AAAS: variants seen among roughly 807,000 people sequenced by gnomAD.
AAAS encodes aladin WD repeat nucleoporin.
Under a neutral mutation model 75.6 loss-of-function variants are expected in AAAS, and 60 were observed. The ratio of observed to expected loss-of-function variants is 0.79; its 90% CI spans 0.64 to 0.98. The LOEUF is 0.98. AAAS is among the 50% of genes least tolerant of loss of function. AAAS has a pLI of 0.00. For missense variants in AAAS, 658 were observed against 686.9 expected, an observed-to-expected ratio of 0.96 and a Z score of 0.47; for synonymous variants, 271 against 265.0, an observed-to-expected ratio of 1.02 and a Z score of -0.22.
At chr12:53,320,786 AAGAGATTCCAG>A in intron 1 of AAAS, 94 bp from the exon 2 acceptor site, 1 of 1,441,398 alleles carries the variant, frequency 6.9e-7, no homozygotes, top group Non-Finnish European at 9.7e-7. Context: ...GGCTAAGTAT[AAGAGATTCCAG>A]AGGTCTGTTT....
intron 9 of AAAS, 29 bp from the exon 10 acceptor site, chr12:53,309,049 C>T: frequency 6.2e-7 from 1 of 1,614,218 alleles, no homozygotes; most frequent in East Asian, 2.2e-5. Context: ...AATTACAGCT[C>T]AGGACCTCTA....
At position 53,309,180 on chromosome 12, in the gene AAAS, A is replaced by C. The variant is rs138749872; in HGVS notation, c.912T>G (p.Ala304=). ...LWSPDGSKIL[A]TTPSAVFRVW... is the part of the protein sequence containing the mutation. ...ACCGAAAGACAGCTGAAGGAGTGGT[A>C]GCCAGGATTTTGCTGCCGTCTGGGG... Residue 304 remains alanine (A), a synonymous_variant, in exon 9 of 16, where the codon GCT becomes GCG. Transcript: ENST00000209873. 9.0e-5 allele frequency: 146 copies of C among 1,614,028 alleles called. No homozygotes were observed. Among genetic ancestry groups the C allele is most frequent in the Non-Finnish European group, 1.1e-4 (132 of 1,180,036 alleles).
chr12:53,314,547 C>A, intron 6 of AAAS, 106 bp from the exon 7 acceptor site: 1 of 1,501,942 alleles, frequency 6.7e-7, no homozygotes, highest in Middle Eastern at 2.3e-4. Context: ...ATGATCCATC[C>A]AGGGGCCAGG....
At chr12:53,310,139 T>A (rs539722209) in intron 7 of AAAS, among the ~76,000 whole-genome samples, 2 of 152,132 alleles carry the variant, frequency 1.3e-5, no homozygotes, top group Non-Finnish European at 2.9e-5. Context: ...TACTTCAAGG[T>A]TCCAACCTTT....
chr12:53,315,778 C>T lies in AAAS; in HGVS notation c.256G>A (p.Asp86Asn). 1 of 1,613,868 alleles carries T rather than the reference C, an allele frequency of 6.2e-7. No homozygotes were observed. The highest frequency in any genetic ancestry group is 8.5e-7 in the Non-Finnish European group (1 of 1,179,908). ...VWKRCINIWR[D>N]VGLFGVLNEI... ...TTTAGCACCCCAAAAAGGCCCACAT[C>T]ACGCCTGATAAGGGAGGAAAATGTG... Residue 86 changes from aspartate (D) to asparagine (N), a missense_variant, in exon 3 of 16, where the codon GAT (aspartate) becomes AAT (asparagine). Asp to Asn is a conservative substitution (Grantham distance 23). Coordinates refer to ENST00000209873, the MANE Select transcript of AAAS (RefSeq NM_015665.6).
At chr12:53,316,613 T>A (rs1308258690) in intron 2 of AAAS, among the ~76,000 whole-genome samples, 2 of 149,892 alleles carry the variant, frequency 1.3e-5, no homozygotes, top group African/African-American at 2.5e-5. Context: ...ATATGAAAAT[T>A]AGCCAGGTGT....
chr12:53,320,792 T>A, intron 1 of AAAS, 100 bp from the exon 2 acceptor site: 1 of 1,390,156 alleles, frequency 7.2e-7, no homozygotes, highest in Non-Finnish European at 1.0e-6. Flanking sequence ...GTATAAGAGA[T>A]TCCAGAGGTC....
rs778938492 is a variant in AAAS at position 53,315,208 on chromosome 12, G to C, written c.400-68C>G. 1.5e-5 allele frequency: 24 copies of C among 1,603,918 alleles called. No homozygotes were observed. In the South Asian group the frequency reaches 2.2e-4, roughly 15 times the overall value. The stretch of plus-strand genomic sequence containing the variant: ...AGTCCATCTCCTCAATATTCCAACA[G>C]GGGAGCTGGACCACTCCTACCCTCT... On this transcript the variant is annotated intron_variant, in intron 4 of 15. Transcript: ENST00000209873.
Position 53,308,319 on chromosome 12 carries a change from C to A in AAAS, c.1212G>T (p.Trp404Cys). 6.2e-7 allele frequency: 1 copy of A among 1,614,192 alleles called. No homozygotes were observed. ...RLGGEAHSMVWDPSGERLAVL... is the reference protein window; with the variant it reads ...RLGGEAHSMVCDPSGERLAVL... The stretch of plus-strand genomic sequence containing the variant: ...CAGCCAGACGTTCCCCACTGGGGTC[C>A]CAGACCATGGAGTGAGCCTCTCCCC... Residue 404 changes from tryptophan to cysteine, a missense_variant, in exon 13 of 16, where the codon TGG becomes TGT. By Grantham distance (215) the Trp-to-Cys change is radical. Transcript: ENST00000209873.
At position 53,309,702 on chromosome 12, in the gene AAAS, G is replaced by C; in HGVS notation, c.709C>G (p.Gln237Glu). Residue 237 changes from glutamine to glutamate, a missense_variant, in exon 8 of 16, where the codon CAA becomes GAA. Transcript: ENST00000209873. ...GTATGCCCAGGGTGAGACAGCACTT[G>C]GGCACAGCCAGAAGAGGGTCTGGAG... ...LSTRPSSGCA[Q>E]VLSHPGHTPV... The C allele has an allele frequency of 6.2e-7, 1 of 1,613,344 alleles. No individual in the cohort carries two copies. Among genetic ancestry groups the C allele is most frequent in the Non-Finnish European group, 8.5e-7 (1 of 1,179,814 alleles).
intron 8 of AAAS, 26 bp downstream of exon 8, chr12:53,309,575 T>G: frequency 6.2e-7 from 1 of 1,613,440 alleles, no homozygotes; most frequent in Non-Finnish European, 8.5e-7. Flanking sequence ...GACTGAAATG[T>G]GCATGAGGGG....
intron 6 of AAAS, 134 bp from the exon 7 acceptor site, chr12:53,314,575 GGGGATAAA>G (rs1392634347): frequency 3.3e-5 from 46 of 1,394,766 alleles, no homozygotes; most frequent in Non-Finnish European, 3.1e-5. Flanking sequence ...TAGGACAGGA[GGGGATAAA>G]GGTTAGGTCT....
intron 2 of AAAS, among the ~76,000 whole-genome samples, chr12:53,318,249 T>TGC (rs1555191460): frequency 4.0e-4 from 56 of 140,854 alleles, no homozygotes; most frequent in Middle Eastern, 3.7e-3. Context: ...TGTGTGCGTG[T>TGC]GTGTGTGTGT....
chr12:53,316,764 C>CAAAAAAAAA (rs34520642), intron 2 of AAAS, among the ~76,000 whole-genome samples: 3 of 77,190 alleles, frequency 3.9e-5, no homozygotes, highest in African/African-American at 6.0e-5. Context: ...CCATCTCAGA[C>CAAAAAAAAA]AAAAAAAAAA....
chr12:53,308,957 T>A lies in AAAS; in HGVS notation c.996+3A>T. The A allele has an allele frequency of 6.2e-7, 1 of 1,614,208 alleles. No individual in the cohort carries two copies. The highest frequency in any genetic ancestry group is 8.5e-7 in the Non-Finnish European group (1 of 1,180,034). ...GTGTCTGTGAATCAGAGTCCCCTCT[T>A]ACCTGACAGCGCCCTGATAGAGTAG... On this transcript the variant is annotated splice_donor_region_variant and intron_variant, in intron 10 of 15. Transcript: ENST00000209873.
Position 53,308,979 on chromosome 12 carries a change from G to A in AAAS, c.977C>T (p.Thr326Ile). The change falls in exon 10 of 16, where the codon ACT becomes ATT. Residue 326 changes from threonine to isoleucine, a missense_variant. By Grantham distance (89) the Thr-to-Ile change is moderately conservative. Coordinates refer to ENST00000209873, the MANE Select transcript of AAAS (RefSeq NM_015665.6). ...AQMWTCERWP[T>I]LSGRCQTGCW... Reference sequence around the variant, plus strand: ...TCTTACCTGACAGCGCCCTGATAGAGTAGGCCACCTCTCACAAGTCCACAT... The same window carrying A: ...TCTTACCTGACAGCGCCCTGATAGAATAGGCCACCTCTCACAAGTCCACAT... The A allele has an allele frequency of 4.3e-6, 7 of 1,614,172 alleles. No individual in the cohort carries two copies. Among genetic ancestry groups the A allele is most frequent in the Non-Finnish European group, 5.9e-6 (7 of 1,180,028 alleles).
rs1455497293 is a variant in AAAS at position 53,314,598 on chromosome 12, G to A, written c.545+153C>T. The A allele has an allele frequency of 1.4e-5, 18 of 1,319,956 alleles. No individual in the cohort carries two copies. The South Asian group carries it at 1.4e-4, about 10-fold the overall frequency. The allele number at this position is 1,319,956 out of a possible 1,614,324, so 81.8% of individuals were successfully genotyped here. ...GAGGGGATAAAGGTTAGGTCTAGAA[G>A]AAGCACGCATCCAGTTATGGAGCTT... On this transcript the variant is annotated intron_variant, in intron 6 of 15. Transcript: ENST00000209873.
At chr12:53,315,892 A>AATG in intron 2 of AAAS, 110 bp from the exon 3 acceptor site, 1 of 1,190,280 alleles carries the variant, frequency 8.4e-7, no homozygotes. Flanking sequence ...CTCACATTTA[A>AATG]TGAGTGCCAA....
intron 8 of AAAS, 97 bp from the exon 9 acceptor site, chr12:53,309,378 G>A: frequency 6.4e-7 from 1 of 1,574,334 alleles, no homozygotes; most frequent in Non-Finnish European, 8.7e-7. Context: ...GAAACGAGAG[G>A]AAGCGGGAGA....
Sources: gnomAD v4.1 joint callset for allele counts (sites outside exome capture counted in the v4.1 genomes callset) on GRCh38, gnomAD v4.1.1 for gene constraint, MANE v1.5 for transcripts, NCBI Gene and HGNC (gene_info 2026-07-23, HGNC 2026-07-21) for gene names.